The following C4orf51 variants were observed in gnomAD, a reference collection of about 807,000 sequenced individuals.
C4orf51 encodes chromosome 4 open reading frame 51.
C4orf51 carries 25 observed loss-of-function variants against 25.2 expected under a neutral mutation model. The observed-to-expected ratio is 0.99, with a 90% CI of 0.72 to 1.39. C4orf51 has a LOEUF of 1.39. Ranked by LOEUF, C4orf51 falls within the 40% of genes most tolerant of loss-of-function variation. The pLI is 0.00. For synonymous variants in C4orf51, 100 were observed against 84.5 expected (o/e 1.18, Z -1.01); for missense variants, 252 against 239.6 (o/e 1.05, Z -0.34).
At chr4:145,722,028 A>G (rs1731768162) in intron 2 of C4orf51, among the ~76,000 whole-genome samples, 1 of 152,218 alleles carries the variant, frequency 6.6e-6, no homozygotes, top group African/African-American at 2.4e-5. Flanking sequence ...AAAATATAAT[A>G]GAACTGCCTT....
chr4:145,733,361 G>A (rs111318405), downstream of C4orf51, among the ~76,000 whole-genome samples: 2 of 152,172 alleles, frequency 1.3e-5, no homozygotes, highest in African/African-American at 2.4e-5. Context: ...CCCGCGGAGC[G>A]CGCGGGAGGG....
At chr4:145,770,583 AACAT>A (rs1231357286) in intron 1 of C4orf51, among the ~76,000 whole-genome samples, 2 of 151,624 alleles carry the variant, frequency 1.3e-5, no homozygotes, top group African/African-American at 4.8e-5. Flanking sequence ...TCTATTATAA[AACAT>A]ACATAATAAA....
intron 1 of C4orf51, among the ~76,000 whole-genome samples, chr4:145,682,411 A>G (rs1315356523): frequency 1.3e-5 from 2 of 152,186 alleles, no homozygotes; most frequent in Non-Finnish European, 2.9e-5. Context: ...TTAAGTTCTG[A>G]GCAAAAGCTA....
At chr4:145,731,564 CTTTTTTTTTTTTTT>C (rs398051305) in intron 5 of C4orf51, among the ~76,000 whole-genome samples, 12 of 43,860 alleles carry the variant, frequency 2.7e-4, no homozygotes, top group Non-Finnish European at 4.5e-4. Context: ...CAAGGCAAAT[CTTTTTTTTTTTTTT>C]TTTTTTTTTT....
At chr4:145,776,606 GTCTGTT>G in the C4orf51 span, among the ~76,000 whole-genome samples, 1 of 150,966 alleles carries the variant, frequency 6.6e-6, no homozygotes, top group African/African-American at 2.4e-5. Flanking sequence ...AAGTGTGCAT[GTCTGTT>G]TGTGTGTGTG....
intron 5 of C4orf51, among the ~76,000 whole-genome samples, chr4:145,730,437 T>C (rs1732397139): frequency 6.6e-6 from 1 of 152,198 alleles, no homozygotes; most frequent in African/African-American, 2.4e-5. Context: ...AGGGATTCTC[T>C]CCTTCCTGAT....
chr4:145,735,609 A>G (rs1258220297), downstream of C4orf51, among the ~76,000 whole-genome samples: 2 of 152,140 alleles, frequency 1.3e-5, no homozygotes, highest in Non-Finnish European at 2.9e-5. Flanking sequence ...CTTCCCAGAG[A>G]AGGCTGTCAC....
At chr4:145,773,766 G>T (rs559526485), downstream of C4orf51, among the ~76,000 whole-genome samples, 1 of 152,214 alleles carries the variant, frequency 6.6e-6, no homozygotes, top group African/African-American at 2.4e-5. Flanking sequence ...TGTTTCAGGA[G>T]AATCTGGTTT....
chr4:145,727,799 T>C (rs1367508206), intron 3 of C4orf51, among the ~76,000 whole-genome samples: 3 of 148,066 alleles, frequency 2.0e-5, no homozygotes, highest in Non-Finnish European at 3.0e-5. Context: ...GGAGAGTTGC[T>C]TGAAGCCGGG....
At chr4:145,688,370 G>A (rs1729310759) in intron 1 of C4orf51, among the ~76,000 whole-genome samples, 1 of 152,104 alleles carries the variant, frequency 6.6e-6, no homozygotes, top group Non-Finnish European at 1.5e-5. Flanking sequence ...ATTGAAAGAT[G>A]ATAGATGTGG....
intron 1 of C4orf51, among the ~76,000 whole-genome samples, chr4:145,743,663 G>A (rs1333225244): frequency 6.6e-6 from 1 of 152,114 alleles, no homozygotes; most frequent in East Asian, 1.9e-4. Flanking sequence ...CATGCCATTC[G>A]CCTCAAAATT....
chr4:145,757,770 G>A (rs951267816), downstream of C4orf51: 4 of 151,722 alleles, frequency 2.6e-5, no homozygotes, highest in African/African-American at 7.3e-5. Flanking sequence ...AATGCAAAAA[G>A]CTTTATACAA....
chr4:145,744,724 G>A (rs1268059630), intron 1 of C4orf51, among the ~76,000 whole-genome samples: 1 of 152,098 alleles, frequency 6.6e-6, no homozygotes, highest in African/African-American at 2.4e-5. Context: ...GTAGTGGCAG[G>A]CGCCTGTATT....
chr4:145,769,315 T>C (rs960220507), intron 1 of C4orf51, among the ~76,000 whole-genome samples: 1 of 152,302 alleles, frequency 6.6e-6, no homozygotes, highest in South Asian at 2.1e-4. Context: ...TATCAGTATA[T>C]ATTTAACCAG....
downstream of C4orf51, among the ~76,000 whole-genome samples, chr4:145,775,540 TGGAGC>T (rs1736928777): frequency 1.3e-5 from 2 of 152,114 alleles, no homozygotes; most frequent in South Asian, 4.1e-4. Flanking sequence ...CGTCTCTGTC[TGGAGC>T]TCCACCCCAG....
intron 3 of C4orf51, among the ~76,000 whole-genome samples, chr4:145,727,596 C>A (rs1410311030): frequency 6.6e-6 from 1 of 151,734 alleles, no homozygotes; most frequent in Non-Finnish European, 1.5e-5. Flanking sequence ...ATGCCATAGG[C>A]CGGGCACGGT....
At chr4:145,690,300 T>C (rs1038344162) in intron 1 of C4orf51, among the ~76,000 whole-genome samples, 1 of 151,460 alleles carries the variant, frequency 6.6e-6, no homozygotes, top group Non-Finnish European at 1.5e-5. Context: ...GGTCAGGAGA[T>C]CAAGACCATC....
chr4:145,680,438 T>G lies in C4orf51; in HGVS notation c.233+2T>G. The G allele has an allele frequency of 6.2e-7, 1 of 1,609,328 alleles. No homozygotes were observed. The highest frequency in any genetic ancestry group is 8.5e-7 in the Non-Finnish European group (1 of 1,176,186). ...ACAGCATGAGCCTGAGTGTAAACAG[T>G]AAGATTTCTTTGTAATTTGCACCTG... On this transcript the variant is annotated splice_donor_variant, in intron 1 of 5. Transcript: ENST00000438731. LOFTEE classifies it high-confidence loss of function.
intron 1 of C4orf51, among the ~76,000 whole-genome samples, chr4:145,751,113 C>A (rs1056349646): frequency 6.6e-6 from 1 of 152,176 alleles, no homozygotes; most frequent in South Asian, 2.1e-4. Context: ...TTCAAGGTCA[C>A]TTATCTCTGT....
Sources: allele counts gnomAD v4.1 joint callset (sites outside exome capture counted in the v4.1 genomes callset), GRCh38; gene constraint gnomAD v4.1.1; transcripts MANE v1.5; gene names NCBI Gene and HGNC (gene_info 2026-07-23, HGNC 2026-07-21).